Variants in HIBADH observed in about 807,000 individuals in gnomAD.
HIBADH encodes 3-hydroxyisobutyrate dehydrogenase, mitochondrial.
In HIBADH, 25 loss-of-function variants were observed where a neutral mutation model predicts 36.1. That is an observed-to-expected ratio of 0.69 (90% confidence interval 0.50 to 0.97). HIBADH has a LOEUF of 0.97. HIBADH is among the 50% of genes least tolerant of loss of function. The probability of loss-of-function intolerance (pLI) is 0.00; values close to 1 mark genes in which losing one functional copy is unlikely to be tolerated. For missense variants in HIBADH, 421 were observed against 418.0 expected (o/e 1.01, Z -0.06); for synonymous variants, 160 against 149.5 (o/e 1.07, Z -0.51).
chr7:27,618,160 C>T (rs1785467527), intron 4 of HIBADH, among the ~76,000 whole-genome samples: 1 of 152,200 alleles, frequency 6.6e-6, no homozygotes, highest in Non-Finnish European at 1.5e-5. Flanking sequence ...GAGCATGGTA[C>T]CCTTCCCCCT....
chr7:27,568,699 G>A (rs1462640512), intron 4 of HIBADH, among the ~76,000 whole-genome samples: 3 of 152,078 alleles, frequency 2.0e-5, no homozygotes, highest in Non-Finnish European at 4.4e-5. Flanking sequence ...TCAAACTCCT[G>A]ACTTCAAGTG....
At chr7:27,564,198 GTTAA>G (rs1562622973) in intron 4 of HIBADH, among the ~76,000 whole-genome samples, 2 of 152,008 alleles carry the variant, frequency 1.3e-5, no homozygotes, top group Non-Finnish European at 2.9e-5. Flanking sequence ...GTGCCTGGCC[GTTAA>G]TTTTCATAAA....
intron 4 of HIBADH, among the ~76,000 whole-genome samples, chr7:27,627,936 A>C (rs1419982359): frequency 1.3e-5 from 2 of 152,172 alleles, no homozygotes; most frequent in Non-Finnish European, 2.9e-5. Context: ...AATGTTTAAA[A>C]ATCAAATTGG....
chr7:27,550,046 T>C (rs1489011935), intron 4 of HIBADH, among the ~76,000 whole-genome samples: 1 of 152,120 alleles, frequency 6.6e-6, no homozygotes, highest in Non-Finnish European at 1.5e-5. Context: ...TAGCTGGGAC[T>C]ATGGGCGCGT....
chr7:27,554,001 T>C (rs1299616144), intron 4 of HIBADH, among the ~76,000 whole-genome samples: 1 of 152,002 alleles, frequency 6.6e-6, no homozygotes, highest in African/African-American at 2.4e-5. Flanking sequence ...TGTTTGTTTG[T>C]GTTTATGGAG....
At chr7:27,632,240 G>A in intron 3 of HIBADH, 96 bp downstream of exon 3, 1 of 846,132 alleles carries the variant, frequency 1.2e-6, no homozygotes, top group South Asian at 1.5e-5. Context: ...GTATAGAAAG[G>A]TTTAACAAAC....
chr7:27,649,869 A>G (rs1786148355), intron 1 of HIBADH, among the ~76,000 whole-genome samples: 1 of 151,836 alleles, frequency 6.6e-6, no homozygotes, highest in Non-Finnish European at 1.5e-5. Flanking sequence ...CCCATCTCAA[A>G]AATAAATAAT....
intron 2 of HIBADH, among the ~76,000 whole-genome samples, chr7:27,638,881 C>T (rs1468856634): frequency 6.6e-6 from 1 of 152,036 alleles, no homozygotes; most frequent in East Asian, 1.9e-4. Flanking sequence ...AAATCAAAAC[C>T]ACAATGAGAT....
At chr7:27,575,254 C>A (rs1232246507) in intron 4 of HIBADH, among the ~76,000 whole-genome samples, 1 of 152,004 alleles carries the variant, frequency 6.6e-6, no homozygotes, top group East Asian at 1.9e-4. Flanking sequence ...TAGGTGAGAC[C>A]CTAACCTGTC....
At chr7:27,546,909 T>C (rs1253472131) in intron 4 of HIBADH, among the ~76,000 whole-genome samples, 1 of 152,162 alleles carries the variant, frequency 6.6e-6, no homozygotes. Flanking sequence ...TGCAATAGTC[T>C]CCTACTTTAT....
chr7:27,586,798 C>A (rs1341649708), intron 4 of HIBADH, among the ~76,000 whole-genome samples: 1 of 152,194 alleles, frequency 6.6e-6, no homozygotes, highest in Non-Finnish European at 1.5e-5. Flanking sequence ...AGCTTAACAA[C>A]CCTCACTGGT....
intron 4 of HIBADH, among the ~76,000 whole-genome samples, chr7:27,567,908 G>A (rs536238388): frequency 1.3e-5 from 2 of 152,100 alleles, no homozygotes; most frequent in East Asian, 1.9e-4. Context: ...TATGCATTCA[G>A]TACACTCCTT....
intron 2 of HIBADH, among the ~76,000 whole-genome samples, chr7:27,647,117 C>A (rs1387011772): frequency 6.6e-6 from 1 of 152,072 alleles, no homozygotes; most frequent in Non-Finnish European, 1.5e-5. Context: ...ACTACTCTTG[C>A]GCTTTGGACC....
intron 4 of HIBADH, among the ~76,000 whole-genome samples, chr7:27,558,074 C>T (rs1167308630): frequency 1.3e-5 from 2 of 151,986 alleles, no homozygotes; most frequent in African/African-American, 4.8e-5. Flanking sequence ...CTTATAATTC[C>T]TTATTTCATC....
chr7:27,620,582 A>C (rs566124359), intron 4 of HIBADH, among the ~76,000 whole-genome samples: 1 of 152,316 alleles, frequency 6.6e-6, no homozygotes, highest in South Asian at 2.1e-4. Flanking sequence ...GAAGAAATAA[A>C]GTCTTCTCTA....
intron 4 of HIBADH, among the ~76,000 whole-genome samples, chr7:27,575,593 T>C (rs1784697032): frequency 6.6e-6 from 1 of 152,076 alleles, no homozygotes; most frequent in Non-Finnish European, 1.5e-5. Context: ...TGGATATAAC[T>C]GTATAGCAGT....
chr7:27,632,583 A>C, intron 2 of HIBADH, 138 bp from the exon 3 acceptor site: 1 of 363,452 alleles, frequency 2.8e-6, no homozygotes, highest in Non-Finnish European at 5.0e-6. Context: ...AAATGACCAA[A>C]AAAAAAAAAA....
At chr7:27,632,564 C>T in intron 2 of HIBADH, 119 bp from the exon 3 acceptor site, 1 of 411,752 alleles carries the variant, frequency 2.4e-6, no homozygotes. Flanking sequence ...AAGACTAATC[C>T]TTGTTTGCAA....
intron 3 of HIBADH, 150 bp downstream of exon 3, chr7:27,632,186 C>T (rs1785758260): frequency 3.7e-6 from 2 of 543,540 alleles, no homozygotes; most frequent in East Asian, 3.1e-5. Context: ...AAGCCTTTTA[C>T]AATGAGAAAA....
Sources: allele counts gnomAD v4.1 joint callset (sites outside exome capture counted in the v4.1 genomes callset), GRCh38; gene constraint gnomAD v4.1.1; transcripts MANE v1.5; gene names NCBI Gene and HGNC (gene_info 2026-07-23, HGNC 2026-07-21).